Variants in ZNF789 observed in about 807,000 individuals in gnomAD.
ZNF789 encodes zinc finger protein 789.
ZNF789 carries 11 observed loss-of-function variants against 15.6 expected under a neutral mutation model. The ratio of observed to expected loss-of-function variants is 0.70; its 90% confidence interval spans 0.44 to 1.16. ZNF789 has a LOEUF of 1.16. Ranked by LOEUF, ZNF789 falls within the 50% of genes most tolerant of loss-of-function variation. ZNF789 has a pLI of 0.00. For synonymous variants in ZNF789, 159 were observed against 176.0 expected, an observed-to-expected ratio of 0.90 and a Z score of 0.76; for missense variants, 461 against 512.6, an observed-to-expected ratio of 0.90 and a Z score of 0.97.
intron 3 of ZNF789, chr7:99,482,438 T>G (rs1799689840): frequency 1.7e-6 from 1 of 573,394 alleles, no homozygotes; most frequent in African/African-American, 1.9e-5. Flanking sequence ...CTCTCCACTT[T>G]TATCAGGTTA....
At chr7:99,482,739 A>G (rs1232433578) in intron 3 of ZNF789, among the ~76,000 whole-genome samples, 2 of 152,066 alleles carry the variant, frequency 1.3e-5, no homozygotes, top group African/African-American at 4.8e-5. Context: ...CTGTAATCTC[A>G]GCTATTCCGG....
At position 99,486,549 on chromosome 7, in the gene ZNF789, G is replaced by T. The variant is rs200776345; in HGVS notation, c.339G>T (p.Lys113Asn). 7 of 1,614,012 alleles carry T rather than the reference G, an allele frequency of 4.3e-6. No homozygotes were observed. The highest frequency in any genetic ancestry group is 5.1e-6 in the Non-Finnish European group (6 of 1,180,008). ...TTTCTGAAGATTTAGAGTCATATAAGATATCAGTGGTAATGCAGGAATCAG... is the reference window on the plus strand; with the variant it reads ...TTTCTGAAGATTTAGAGTCATATAATATATCAGTGGTAATGCAGGAATCAG... ...QKFSEDLESY[K>N]ISVVMQESAE... The change falls in exon 5 of 5, where the codon AAG becomes AAT. Residue 113 changes from lysine to asparagine, a missense_variant. Physicochemically the swap from Lys to Asn is moderately conservative, Grantham distance 94. Transcript: ENST00000331410.
chr7:99,485,201 G>A (rs1023367219), intron 4 of ZNF789: 65 of 1,535,672 alleles, frequency 4.2e-5, no homozygotes, highest in Non-Finnish European at 1.4e-5. Flanking sequence ...ACTGTGTCCC[G>A]ATGCAGCTGC....
chr7:99,473,015 C>G lies in ZNF789; in HGVS notation c.-96C>G, dbSNP rs1430656164. 1 of 152,334 alleles carries G rather than the reference C, an allele frequency of 6.6e-6. No homozygotes were observed. Among genetic ancestry groups the G allele is most frequent in the Non-Finnish European group, 1.5e-5 (1 of 68,206 alleles). The allele number at this position is 152,334 out of a possible 1,614,324, so 9.4% of individuals were successfully genotyped here. A position where few individuals can be genotyped will look rare whatever the true frequency, so the allele number is the denominator to read the frequency against. The stretch of plus-strand genomic sequence containing the variant: ...GGAACCCCGAGAGGAGAGCCCAGCC[C>G]CTGGTGGAGGCGGCTTGGCGGAGAT... On this transcript the variant is annotated 5_prime_UTR_variant, in exon 1 of 5. Coordinates refer to ENST00000331410, the MANE Select transcript of ZNF789 (RefSeq NM_213603.3).
At chr7:99,476,764 C>T (rs550355638) in intron 2 of ZNF789, among the ~76,000 whole-genome samples, 40 of 152,312 alleles carry the variant, frequency 2.6e-4, no homozygotes, top group South Asian at 1.0e-3. Flanking sequence ...TCTGGTTACT[C>T]GTTTAGCACT....
chr7:99,486,115 C>T (rs144769653), intron 4 of ZNF789, among the ~76,000 whole-genome samples: 1,897 of 152,000 alleles, frequency 0.012, 18 homozygotes, highest in Non-Finnish European at 0.019. Context: ...GTCAGGGGTT[C>T]GAGACCAGCC....
intron 1 of ZNF789, among the ~76,000 whole-genome samples, chr7:99,474,841 T>G (rs1799228526): frequency 1.3e-5 from 2 of 150,002 alleles, no homozygotes; most frequent in South Asian, 2.1e-4. Context: ...TACAAACAAC[T>G]GGGCGTGGTG....
chr7:99,478,721 T>G, intron 2 of ZNF789: 1 of 292,006 alleles, frequency 3.4e-6, no homozygotes, highest in Non-Finnish European at 7.0e-6. Flanking sequence ...ATGTCCCCTG[T>G]GCTCACTGTG....
At chr7:99,474,320 C>T (rs962734483) in intron 1 of ZNF789, among the ~76,000 whole-genome samples, 7 of 152,262 alleles carry the variant, frequency 4.6e-5, no homozygotes, top group African/African-American at 4.8e-5. Flanking sequence ...ACGAGCCGGG[C>T]GCGGTGGCTC....
At chr7:99,485,504 T>TA in intron 4 of ZNF789, 1 of 483,368 alleles carries the variant, frequency 2.1e-6, no homozygotes, top group Non-Finnish European at 3.7e-6. Flanking sequence ...ACTTTGTCCA[T>TA]TTTTAAGCAG....
intron 2 of ZNF789, among the ~76,000 whole-genome samples, chr7:99,478,014 C>G (rs556080638): frequency 6.6e-6 from 1 of 152,276 alleles, no homozygotes; most frequent in South Asian, 2.1e-4. Flanking sequence ...CATTTGGTGC[C>G]CATCTGTCAA....
chr7:99,482,417 C>T, intron 3 of ZNF789: 1 of 602,520 alleles, frequency 1.7e-6, no homozygotes, highest in Non-Finnish European at 3.0e-6. Flanking sequence ...CACGTGAGGT[C>T]AGGTGTGGAA....
chr7:99,476,286 A>T, intron 1 of ZNF789, 117 bp from the exon 2 acceptor site: 1 of 612,474 alleles, frequency 1.6e-6, no homozygotes, highest in Non-Finnish European at 2.8e-6. Flanking sequence ...AACACCAAAC[A>T]CAGGGACTTT....
At position 99,486,524 on chromosome 7, in the gene ZNF789, T is replaced by C. The variant is rs753801686; in HGVS notation, c.314T>C (p.Phe105Ser). The change falls in exon 5 of 5, where the codon TTT becomes TCT. Residue 105 changes from phenylalanine to serine, a missense_variant. Phe to Ser is a radical substitution (Grantham distance 155). Coordinates refer to ENST00000331410, the MANE Select transcript of ZNF789 (RefSeq NM_213603.3). ...AAAAAGCTAACTCCAAAACAGAAAT[T>C]TTCTGAAGATTTAGAGTCATATAAG... ...KMKKLTPKQKFSEDLESYKIS... is the reference protein window; with the variant it reads ...KMKKLTPKQKSSEDLESYKIS... The C allele has an allele frequency of 1.2e-6, 2 of 1,613,192 alleles. No individual in the cohort carries two copies. The highest frequency in any genetic ancestry group is 3.3e-5 in the Admixed American group (2 of 59,812).
chr7:99,482,010 C>A, intron 3 of ZNF789: 1 of 627,174 alleles, frequency 1.6e-6, no homozygotes, highest in Non-Finnish European at 2.9e-6. Context: ...TTTTGGATTT[C>A]GGATTTTTCT....
chr7:99,485,020 T>C (rs918491170), intron 4 of ZNF789, among the ~76,000 whole-genome samples: 3 of 152,082 alleles, frequency 2.0e-5, no homozygotes, highest in African/African-American at 7.2e-5. Flanking sequence ...AAAGTGCTGC[T>C]CTGACGCAGA....
Position 99,487,510 on chromosome 7 carries a change from T to TGGAGAACTAGAACTTATAA in ZNF789, c.*23_*41dup, listed in dbSNP as rs1562890111. On this transcript the variant is annotated 3_prime_UTR_variant, in exon 5 of 5. Transcript: ENST00000331410. ...ATGATGTTAATTGGAAAGCAGTCATTGGAGAACTAGAACTTATAAACCTCT... is the reference window on the plus strand; with the variant it reads ...ATGATGTTAATTGGAAAGCAGTCATTGGAGAACTAGAACTTATAAGGAGAACTAGAACTTATAAACCTCT... 6.3e-7 allele frequency: 1 copy of TGGAGAACTAGAACTTATAA among 1,593,898 alleles called. No homozygotes were observed. The highest frequency in any genetic ancestry group is 2.2e-5 in the East Asian group (1 of 44,652).
chr7:99,476,267 A>G (rs1163066860), intron 1 of ZNF789, 136 bp from the exon 2 acceptor site: 1 of 565,452 alleles, frequency 1.8e-6, no homozygotes, highest in African/African-American at 1.9e-5. Flanking sequence ...GCATTTCATC[A>G]CATGTTCCAA....
intron 1 of ZNF789, among the ~76,000 whole-genome samples, chr7:99,475,806 C>CTT (rs59681284): frequency 0.046 from 5,876 of 128,326 alleles, 574 homozygotes; most frequent in African/African-American, 0.17. Flanking sequence ...TTTTTTCTTT[C>CTT]TTTTTTTTTT....
Sources: gnomAD v4.1 joint callset for allele counts (sites outside exome capture counted in the v4.1 genomes callset) on GRCh38, gnomAD v4.1.1 for gene constraint, MANE v1.5 for transcripts, NCBI Gene and HGNC (gene_info 2026-07-23, HGNC 2026-07-21) for gene names.